The following FSTL4 variants were observed in gnomAD, a reference collection of about 807,000 sequenced individuals.
FSTL4 encodes the protein follistatin-related protein 4.
A neutral mutation model predicts 78.2 loss-of-function variants in FSTL4; 28 were observed. The ratio of observed to expected loss-of-function variants is 0.36; its 90% CI spans 0.27 to 0.49. The LOEUF (loss-of-function observed/expected upper bound fraction) is 0.49. Among genes scored for constraint, FSTL4 ranks in the 20% least tolerant of loss-of-function variants. The pLI, the probability that FSTL4 is intolerant of heterozygous loss-of-function variation, is 0.98. For missense variants in FSTL4, 922 were observed against 1,084.9 expected, an observed-to-expected ratio of 0.85 and a Z score of 2.11; for synonymous variants, 422 against 440.5, an observed-to-expected ratio of 0.96 and a Z score of 0.53.
At chr5:133,824,776 G>A in the FSTL4 span, among the ~76,000 whole-genome samples, 1 of 151,998 alleles carries the variant, frequency 6.6e-6, no homozygotes, top group Non-Finnish European at 1.5e-5. Context: ...GGGGAGAGGT[G>A]GAGCCAGGCA....
chr5:133,242,330 AG>A (rs1334723499), intron 7 of FSTL4, among the ~76,000 whole-genome samples: 1 of 151,660 alleles, frequency 6.6e-6, no homozygotes, highest in Non-Finnish European at 1.5e-5. Context: ...AGTGGCCAAG[AG>A]AGGCACCAAT....
chr5:133,225,562 C>A lies in FSTL4; in HGVS notation c.1177+96G>T, dbSNP rs751116206. On this transcript the variant is annotated intron_variant, in intron 9 of 15. Coordinates refer to ENST00000265342, the MANE Select transcript of FSTL4 (RefSeq NM_015082.2). The surrounding 1 kb of genome is among the most constrained non-coding windows in gnomAD (Gnocchi z 4.6). ...ATCTGTTCACTCCTAACCTGTCTGACTTATAAACAAATTATACCTCTCGTT... is the reference window on the plus strand; with the variant it reads ...ATCTGTTCACTCCTAACCTGTCTGAATTATAAACAAATTATACCTCTCGTT... The A allele has an allele frequency of 9.1e-6, 11 of 1,211,712 alleles. No homozygotes were observed. Among genetic ancestry groups the A allele is most frequent in the Non-Finnish European group, 1.1e-5 (9 of 855,568 alleles). 75.1% of individuals were successfully genotyped at this position (1,211,712 alleles called of 1,614,324 possible).
At chr5:133,244,676 G>C (rs60201046) in intron 7 of FSTL4, 2 of 152,426 alleles carry the variant, frequency 1.3e-5, no homozygotes, top group East Asian at 1.9e-4. Context: ...TACACCATTC[G>C]TCCATAATTC....
intron 4 of FSTL4, among the ~76,000 whole-genome samples, chr5:133,332,190 T>C (rs1006512559): frequency 1.3e-5 from 2 of 152,172 alleles, no homozygotes; most frequent in East Asian, 3.8e-4. Flanking sequence ...ATCTCAGCCA[T>C]AATGCATCTG....
intron 3 of FSTL4, among the ~76,000 whole-genome samples, chr5:133,554,593 C>T (rs1462468816): frequency 1.3e-5 from 2 of 152,188 alleles, no homozygotes; most frequent in African/African-American, 2.4e-5. Flanking sequence ...TTTATTTTTT[C>T]CTAAACAGAC....
At chr5:133,224,459 C>T in intron 10 of FSTL4, 1 of 380,680 alleles carries the variant, frequency 2.6e-6, no homozygotes, top group Non-Finnish European at 4.7e-6. Context: ...AAATCATGCC[C>T]TAGGACCACA....
chr5:133,743,667 A>G, the FSTL4 span, among the ~76,000 whole-genome samples: 1 of 152,262 alleles, frequency 6.6e-6, no homozygotes, highest in African/African-American at 2.4e-5. Flanking sequence ...CTATTTAGGA[A>G]CCTAAGCTCT....
chr5:133,654,095 G>T, the FSTL4 span, among the ~76,000 whole-genome samples: 1 of 152,156 alleles, frequency 6.6e-6, no homozygotes, highest in African/African-American at 2.4e-5. Flanking sequence ...TTAATCTAGA[G>T]GCTTATTTGA....
At chr5:133,567,049 C>A in intron 3 of FSTL4, 137 bp downstream of exon 3, 2 of 703,652 alleles carry the variant, frequency 2.8e-6, no homozygotes, top group South Asian at 1.6e-5. Context: ...AAGTGCTAAG[C>A]AGTCAGCACC....
chr5:133,608,323 C>T (rs2112984338), intron 1 of FSTL4, among the ~76,000 whole-genome samples: 1 of 152,344 alleles, frequency 6.6e-6, no homozygotes, highest in South Asian at 2.1e-4. Flanking sequence ...CTTTAACCAT[C>T]TTGTTTGGAA....
At chr5:133,837,804 T>C in the FSTL4 span, among the ~76,000 whole-genome samples, 19 of 152,180 alleles carry the variant, frequency 1.2e-4, no homozygotes, top group Non-Finnish European at 2.2e-4. Context: ...TCTCAGCAGC[T>C]GCATTCACGT....
the FSTL4 span, among the ~76,000 whole-genome samples, chr5:133,697,917 C>CA: frequency 6.6e-6 from 1 of 152,054 alleles, no homozygotes; most frequent in Non-Finnish European, 1.5e-5. Flanking sequence ...GAAGTACCCC[C>CA]AAAAAGATAG....
intron 2 of FSTL4, among the ~76,000 whole-genome samples, chr5:133,589,339 T>C (rs1760573912): frequency 6.7e-6 from 1 of 149,310 alleles, no homozygotes; most frequent in African/African-American, 2.5e-5. Flanking sequence ...AAAGGGAGAC[T>C]GCTGTGGTCA....
At chr5:133,220,709 G>A (rs1581538244) in intron 12 of FSTL4, 39 bp downstream of exon 12, 1 of 994,674 alleles carries the variant, frequency 1.0e-6, no homozygotes, top group Non-Finnish European at 1.6e-6. Flanking sequence ...GATTTTGCCT[G>A]TGTATGATGT....
At chr5:133,516,672 A>G (rs1229798151) in intron 3 of FSTL4, among the ~76,000 whole-genome samples, 1 of 152,212 alleles carries the variant, frequency 6.6e-6, no homozygotes, top group Non-Finnish European at 1.5e-5. Flanking sequence ...TGTGGAAAAC[A>G]TTTCTAAAAA....
chr5:133,505,809 T>C (rs1758601555), intron 3 of FSTL4, among the ~76,000 whole-genome samples: 1 of 152,262 alleles, frequency 6.6e-6, no homozygotes, highest in East Asian at 1.9e-4. Context: ...TTACTGCTCC[T>C]GAGGCCTGGA....
chr5:133,250,678 C>G (rs1378360165), intron 6 of FSTL4, among the ~76,000 whole-genome samples: 1 of 152,280 alleles, frequency 6.6e-6, no homozygotes, highest in Non-Finnish European at 1.5e-5. Context: ...TGTGCTCACA[C>G]CCTCTTGCCC....
chr5:133,316,045 G>C (rs138096169), intron 5 of FSTL4, among the ~76,000 whole-genome samples: 1,626 of 152,298 alleles, frequency 0.011, 96 homozygotes, highest in Admixed American at 0.091. Flanking sequence ...CAAGCAGTCC[G>C]AGGTTTGGGT....
Position 133,549,623 on chromosome 5 carries a change from T to C in FSTL4, c.160+17563A>G, listed in dbSNP as rs139542810. ...TAACTGGGAGCTCATATTCCTTGGA[T>C]GGAAAACTGTCAAAATTATTTGAGG... On this transcript the variant is annotated intron_variant, in intron 3 of 15. Transcript: ENST00000265342. Among the ~76,000 whole-genome samples, 14 of 138,898 alleles carry C rather than the reference T, an allele frequency of 1.0e-4. No individual in the cohort carries two copies. In the East Asian group the frequency reaches 2.5e-3, roughly 25 times the overall value. 91.1% of individuals were successfully genotyped at this position (138,898 alleles called of 152,430 possible). A position where few individuals can be genotyped will look rare whatever the true frequency, so the allele number is the denominator to read the frequency against.
Sources: gnomAD v4.1 joint callset for allele counts (sites outside exome capture counted in the v4.1 genomes callset) on GRCh38, gnomAD v4.1.1 for gene constraint, Gnocchi (gnomAD v3.1) non-coding constraint, MANE v1.5 for transcripts, NCBI Gene and HGNC (gene_info 2026-07-23, HGNC 2026-07-21) for gene names.